VCL: variants seen among roughly 807,000 people sequenced by gnomAD.
VCL encodes epididymis luminal protein 114.
Under a neutral mutation model 125.7 loss-of-function variants are expected in VCL, and 47 were observed. The observed-to-expected ratio is 0.37, with a 90% CI of 0.30 to 0.48. VCL has a LOEUF of 0.48. Among genes scored for constraint, VCL ranks in the 20% least tolerant of loss-of-function variants. VCL has a pLI of 0.99. For synonymous variants in VCL, 458 were observed against 514.6 expected, an observed-to-expected ratio of 0.89 and a Z score of 1.49; for missense variants, 1,069 against 1,455.5, an observed-to-expected ratio of 0.73 and a Z score of 4.32.
At chr10:74,030,268 A>G (rs1299526565) in intron 1 of VCL, among the ~76,000 whole-genome samples, 4 of 152,206 alleles carry the variant, frequency 2.6e-5, no homozygotes, top group African/African-American at 9.6e-5. Context: ...AACAGGGGCT[A>G]ATGTTACCAA....
intron 1 of VCL, among the ~76,000 whole-genome samples, chr10:74,018,197 TATATAAATAC>T (rs1213783237): frequency 2.1e-5 from 3 of 141,104 alleles, no homozygotes; most frequent in Admixed American, 1.5e-4. Flanking sequence ...TATATATATA[TATATAAATAC>T]ATATATATAT....
In VCL at chr10:74,028,994, T is replaced by C. The variant is rs759395096; in HGVS notation, c.169-14089T>C. 4.1e-4 allele frequency among the ~76,000 whole-genome samples: 63 copies of C among 151,984 alleles called. 1 individual carries two copies. The highest frequency in any genetic ancestry group is 5.6e-4 in the Non-Finnish European group (38 of 68,026). ...CCACCATGCCCAGCCGATTTTTGTA[T>C]TTTGAGTAGAGATGGGGTTTCACCA... On this transcript the variant is annotated intron_variant, in intron 1 of 21. Transcript: ENST00000211998.
At chr10:74,083,599 G>A (rs1354703802) in intron 8 of VCL, 86 bp downstream of exon 8, 1 of 1,537,210 alleles carries the variant, frequency 6.5e-7, no homozygotes, top group Non-Finnish European at 8.9e-7. Context: ...TGCCAGTTTT[G>A]AGTTATCTCT....
At chr10:74,025,459 C>A (rs189730405) in intron 1 of VCL, among the ~76,000 whole-genome samples, 22 of 151,838 alleles carry the variant, frequency 1.4e-4, no homozygotes, top group Admixed American at 7.2e-4. Context: ...ACTGAAAATA[C>A]AAAAATTAGC....
At chr10:74,070,921 C>T (rs1261555324) in intron 3 of VCL, 54 bp from the exon 4 acceptor site, 67 of 1,610,504 alleles carry the variant, frequency 4.2e-5, no homozygotes, top group South Asian at 3.4e-4. Flanking sequence ...TCTGTGTTAC[C>T]GTGTTTGCTA....
At chr10:74,018,550 A>G (rs1302024942) in intron 1 of VCL, among the ~76,000 whole-genome samples, 1 of 152,160 alleles carries the variant, frequency 6.6e-6, no homozygotes, top group African/African-American at 2.4e-5. Flanking sequence ...AGAAAATGGG[A>G]ATACCTTCTG....
chr10:74,038,804 C>G (rs1283179633), intron 1 of VCL, among the ~76,000 whole-genome samples: 2 of 152,154 alleles, frequency 1.3e-5, no homozygotes, highest in Non-Finnish European at 2.9e-5. Flanking sequence ...CTGGTGTAGC[C>G]ATGATTGCTT....
At chr10:74,077,572 T>C (rs1839609709) in intron 6 of VCL, 1 of 244,604 alleles carries the variant, frequency 4.1e-6, no homozygotes, top group Non-Finnish European at 8.4e-6. Context: ...ATCAGACCTT[T>C]TGTCTGACTG....
At position 74,114,908 on chromosome 10, in the gene VCL, C is replaced by T. The variant is rs1177407661; in HGVS notation, c.3258+9C>T. 2 of 1,579,290 alleles carry T rather than the reference C, an allele frequency of 1.3e-6. No homozygotes were observed. Among genetic ancestry groups the T allele is most frequent in the Non-Finnish European group, 1.7e-6 (2 of 1,161,852 alleles). On this transcript the variant is annotated intron_variant, in intron 21 of 21. Coordinates refer to ENST00000211998, the MANE Select transcript of VCL (RefSeq NM_014000.3). ...ATGAGGAGTCTGAGCAGGTATGTGG[C>T]AGCTGTTTTTGGTTTCTGGCTGGCA...
chr10:74,046,733 C>A (rs982283809), intron 2 of VCL, among the ~76,000 whole-genome samples: 3 of 152,138 alleles, frequency 2.0e-5, no homozygotes, highest in Non-Finnish European at 4.4e-5. Context: ...GACTAGAAGA[C>A]CTTACAAACA....
In VCL at chr10:74,071,483, A is replaced by G. The variant is rs906584070; in HGVS notation, c.499+400A>G. Among the ~76,000 whole-genome samples, 4 of 152,156 alleles carry G rather than the reference A, an allele frequency of 2.6e-5. No homozygotes were observed. The highest frequency in any genetic ancestry group is 9.7e-5 in the African/African-American group (4 of 41,438). ...TAGCTTGCTAATTAGCCTGCCTACT[A>G]TTATGGATTCATGCCCTCACCCAAG... On this transcript the variant is annotated intron_variant, in intron 4 of 21. Transcript: ENST00000211998. The surrounding 1 kb of genome is among the most constrained non-coding windows in gnomAD (Gnocchi z 4.1).
At position 74,095,773 on chromosome 10, in the gene VCL, A is replaced by G. The variant is rs905162041; in HGVS notation, c.1661A>G (p.Gln554Arg). The change falls in exon 12 of 22, where the codon CAG becomes CGG. Residue 554 changes from glutamine to arginine, a missense_variant. Physicochemically the swap from Gln to Arg is conservative, Grantham distance 43. Around this residue, in one of 6 missense-constraint regions of VCL, gnomAD observed 760 missense variants for 928.9 expected, o/e 0.82. Transcript: ENST00000211998. ...GACCGAGTGGACCAGCTGACAGCCC[A>G]GCTGGCTGACCTGGCTGCCAGAGGG... ...KCDRVDQLTA[Q>R]LADLAARGEG... The G allele has an allele frequency of 1.2e-6, 2 of 1,614,232 alleles. No homozygotes were observed. The highest frequency in any genetic ancestry group is 1.3e-5 in the African/African-American group (1 of 75,066).
intron 1 of VCL, among the ~76,000 whole-genome samples, chr10:74,012,878 A>G (rs1480616768): frequency 6.6e-6 from 1 of 152,110 alleles, no homozygotes; most frequent in Non-Finnish European, 1.5e-5. Context: ...TCCATTTTTC[A>G]GGGACACTTT....
In VCL at chr10:74,114,164, G is replaced by A; in HGVS notation, c.2950-20G>A. 1 of 1,612,204 alleles carries A rather than the reference G, an allele frequency of 6.2e-7. No homozygotes were observed. Among genetic ancestry groups the A allele is most frequent in the Non-Finnish European group, 8.5e-7 (1 of 1,179,826 alleles). On this transcript the variant is annotated intron_variant, in intron 19 of 21. Transcript: ENST00000211998. ...CCAGAGCGTGGGCAGAGCTCACACT[G>A]TATCTTTGCTTCCCTCTAGGGCAAT...
chr10:74,062,947 G>C (rs1841503215), intron 2 of VCL, among the ~76,000 whole-genome samples: 1 of 152,110 alleles, frequency 6.6e-6, no homozygotes, highest in South Asian at 2.1e-4. Context: ...GCACACACTT[G>C]TAATCCCGGC....
chr10:74,113,771 T>G (rs1404407292), intron 19 of VCL, among the ~76,000 whole-genome samples: 1 of 152,186 alleles, frequency 6.6e-6, no homozygotes, highest in Admixed American at 6.5e-5. Context: ...GAAATGAAAG[T>G]GCCTGTTTAA....
intron 16 of VCL, among the ~76,000 whole-genome samples, chr10:74,105,799 C>T (rs757790224): frequency 7.9e-5 from 12 of 151,974 alleles, no homozygotes; most frequent in Admixed American, 3.3e-4. Context: ...AGGTGATCCA[C>T]CCGCCTTGGC....
chr10:74,008,081 G>A (rs1315253487), intron 1 of VCL, among the ~76,000 whole-genome samples: 1 of 152,180 alleles, frequency 6.6e-6, no homozygotes, highest in Non-Finnish European at 1.5e-5. Context: ...TGGGATTATA[G>A]GCATGAGCCA....
At chr10:74,120,381 T>A (rs1348828660), downstream of VCL, 4 of 152,244 alleles carry the variant, frequency 2.6e-5, no homozygotes, top group Non-Finnish European at 4.4e-5. Flanking sequence ...CTTGAAGGAA[T>A]GGAAGTGGCA....
Sources: allele counts gnomAD v4.1 joint callset (sites outside exome capture counted in the v4.1 genomes callset), GRCh38; gene constraint gnomAD v4.1.1; regional missense constraint gnomAD v4.1.1; non-coding constraint Gnocchi (gnomAD v3.1); transcripts MANE v1.5; gene names NCBI Gene and HGNC (gene_info 2026-07-23, HGNC 2026-07-21).